The following CSTPP1 variants were observed in gnomAD, a reference collection of about 807,000 sequenced individuals.
CSTPP1 encodes the protein UPF0705 protein C11orf49.
At chr11:47,031,716 A>T in the CSTPP1 span, among the ~76,000 whole-genome samples, 177 of 143,446 alleles carry the variant, frequency 1.2e-3, 1 homozygote, top group Middle Eastern at 7.1e-3. Context: ...TTTTTTTTTT[A>T]AAAGAGATCT....
chr11:47,160,911 G>C, the CSTPP1 span: 3 of 601,880 alleles, frequency 5.0e-6, no homozygotes, highest in Non-Finnish European at 8.7e-6. Flanking sequence ...CCCAGGCAGG[G>C]AAAGTAGGCA....
chr11:47,045,945 C>T, the CSTPP1 span, among the ~76,000 whole-genome samples: 1 of 151,992 alleles, frequency 6.6e-6, no homozygotes, highest in Admixed American at 6.6e-5. Flanking sequence ...TGCCACCACA[C>T]CTGGGTAATT....
the CSTPP1 span, among the ~76,000 whole-genome samples, chr11:47,001,257 C>T: frequency 1.3e-5 from 2 of 152,324 alleles, no homozygotes; most frequent in Middle Eastern, 3.4e-3. Flanking sequence ...ACTGGCCTCC[C>T]TCATGCTCTG....
At chr11:47,035,581 TAC>T in the CSTPP1 span, among the ~76,000 whole-genome samples, 2 of 152,238 alleles carry the variant, frequency 1.3e-5, no homozygotes, top group Admixed American at 6.5e-5. Flanking sequence ...GTTAATTTTA[TAC>T]AGTTATGATT....
the CSTPP1 span, among the ~76,000 whole-genome samples, chr11:46,947,678 C>CT: frequency 6.6e-6 from 1 of 152,098 alleles, no homozygotes; most frequent in Non-Finnish European, 1.5e-5. Flanking sequence ...AAGTAAGAGC[C>CT]TTTTTTCCAG....
the CSTPP1 span, among the ~76,000 whole-genome samples, chr11:47,082,359 A>G: frequency 2.0e-5 from 3 of 152,130 alleles, no homozygotes; most frequent in Non-Finnish European, 2.9e-5. Flanking sequence ...ATAACAAAAG[A>G]TTAACAACAA....
chr11:47,104,204 A>C, the CSTPP1 span, among the ~76,000 whole-genome samples: 2 of 152,158 alleles, frequency 1.3e-5, no homozygotes, highest in Admixed American at 1.3e-4. Flanking sequence ...TTCCCTGCCG[A>C]TTGATTTCTT....
chr11:46,961,433 A>C, the CSTPP1 span, among the ~76,000 whole-genome samples: 2 of 152,146 alleles, frequency 1.3e-5, no homozygotes, highest in African/African-American at 4.8e-5. Flanking sequence ...GGCAGTTTAG[A>C]TCTGGACTGT....
At chr11:47,122,086 AAAAAAATATATATAT>A in the CSTPP1 span, among the ~76,000 whole-genome samples, 1 of 102,628 alleles carries the variant, frequency 9.7e-6, no homozygotes, top group African/African-American at 3.8e-5. Flanking sequence ...AAAAAAAAAA[AAAAAAATATATATAT>A]ATATATATAT....
chr11:47,096,834 A>G, the CSTPP1 span, among the ~76,000 whole-genome samples: 2 of 151,414 alleles, frequency 1.3e-5, no homozygotes, highest in South Asian at 4.2e-4. Flanking sequence ...AAAAGTTACT[A>G]TCAAAATGTT....
At chr11:47,086,413 T>A in the CSTPP1 span, among the ~76,000 whole-genome samples, 31 of 150,830 alleles carry the variant, frequency 2.1e-4, 1 homozygote, top group South Asian at 3.0e-3. Flanking sequence ...GGAAAAAAAA[T>A]TTTTTAAAAA....
chr11:46,982,079 C>T, the CSTPP1 span, among the ~76,000 whole-genome samples: 1 of 151,762 alleles, frequency 6.6e-6, no homozygotes. Context: ...CTTGAAACTT[C>T]TAAGCAGTTT....
At chr11:46,963,143 T>C in the CSTPP1 span, among the ~76,000 whole-genome samples, 10 of 152,162 alleles carry the variant, frequency 6.6e-5, no homozygotes, top group Non-Finnish European at 1.5e-4. Flanking sequence ...GGTTAGAACC[T>C]GCAGTAGAAT....
the CSTPP1 span, among the ~76,000 whole-genome samples, chr11:47,014,848 A>G: frequency 6.6e-6 from 1 of 152,042 alleles, no homozygotes; most frequent in Non-Finnish European, 1.5e-5. Flanking sequence ...GGGGAAGGGG[A>G]TGGAAAGAGT....
chr11:47,144,391 T>G, the CSTPP1 span, among the ~76,000 whole-genome samples: 1 of 152,004 alleles, frequency 6.6e-6, no homozygotes, highest in African/African-American at 2.4e-5. Context: ...GGTTTCACCA[T>G]GTTGGCCAGG....
chr11:47,047,389 A>C, the CSTPP1 span, among the ~76,000 whole-genome samples: 111 of 149,226 alleles, frequency 7.4e-4, no homozygotes, highest in African/African-American at 2.5e-3. Flanking sequence ...GCATAAGGAC[A>C]AACATATAGA....
At chr11:47,024,053 C>CTT in the CSTPP1 span, among the ~76,000 whole-genome samples, 2 of 145,182 alleles carry the variant, frequency 1.4e-5, no homozygotes, top group African/African-American at 2.5e-5. Context: ...TATTGTGTTC[C>CTT]TTTTTTTTTT....
chr11:46,976,883 C>T, the CSTPP1 span, among the ~76,000 whole-genome samples: 12 of 152,230 alleles, frequency 7.9e-5, no homozygotes, highest in Admixed American at 5.2e-4. Flanking sequence ...ACTGAAGTTT[C>T]GACCTACATT....
the CSTPP1 span, chr11:47,041,870 C>A: frequency 2.9e-6 from 1 of 350,642 alleles, no homozygotes; most frequent in African/African-American, 2.0e-5. Flanking sequence ...CCCATGCCAC[C>A]TTTGCGCCAG....
Sources: allele counts gnomAD v4.1 joint callset (sites outside exome capture counted in the v4.1 genomes callset), GRCh38; gene constraint gnomAD v4.1.1; transcripts MANE v1.5; gene names NCBI Gene and HGNC (gene_info 2026-07-23, HGNC 2026-07-21).